TGM4: variants seen among roughly 807,000 people sequenced by gnomAD.
TGM4 encodes the protein protein-glutamine gamma-glutamyltransferase 4.
Under a neutral mutation model 76.3 loss-of-function variants are expected in TGM4, and 61 were observed. That is an observed-to-expected ratio of 0.80 (90% CI 0.65 to 0.99). The LOEUF is 0.99. Ranked by LOEUF, TGM4 falls within the 50% of genes least tolerant of loss-of-function variation. The probability of loss-of-function intolerance (pLI) is 0.00; values close to 1 mark genes in which losing one functional copy is unlikely to be tolerated. For missense variants in TGM4, 794 were observed against 843.2 expected (o/e 0.94, Z 0.72); for synonymous variants, 337 against 329.8 (o/e 1.02, Z -0.24).
chr3:44,902,155 A>T (rs1293615811), intron 8 of TGM4, among the ~76,000 whole-genome samples: 2 of 152,062 alleles, frequency 1.3e-5, no homozygotes, highest in Non-Finnish European at 2.9e-5. Flanking sequence ...GGCCCTCCCA[A>T]CCCAGAGATT....
chr3:44,891,437 C>T (rs1270843355), intron 4 of TGM4, among the ~76,000 whole-genome samples: 1 of 130,974 alleles, frequency 7.6e-6, no homozygotes, highest in East Asian at 6.3e-4. Context: ...ACAACCTATA[C>T]CCTTTATCAT....
In TGM4 at chr3:44,911,111, C is replaced by G. The variant is rs1260879150; in HGVS notation, c.1760C>G (p.Pro587Arg). 1 of 1,614,200 alleles carries G rather than the reference C, an allele frequency of 6.2e-7. No homozygotes were observed. Among genetic ancestry groups the G allele is most frequent in the South Asian group, 1.1e-5 (1 of 91,082 alleles). ...ASEVFTSFQY[P>R]EFSIELPNTG... Reference sequence around the variant, plus strand: ...GAAGTATTCACGTCTTTCCAGTACCCTGAGTTCTCTATAGAGGTGAGCTTC... The same window carrying G: ...GAAGTATTCACGTCTTTCCAGTACCGTGAGTTCTCTATAGAGGTGAGCTTC... Residue 587 changes from proline to arginine, a missense_variant, in exon 12 of 14, where the codon CCT (proline) becomes CGT (arginine). Pro to Arg is a moderately radical substitution (Grantham distance 103). Coordinates refer to ENST00000296125, the MANE Select transcript of TGM4 (RefSeq NM_003241.4).
intron 10 of TGM4, 131 bp downstream of exon 10, chr3:44,907,331 AAAT>A (rs1303756695): frequency 7.2e-6 from 6 of 833,254 alleles, no homozygotes; most frequent in South Asian, 1.9e-5. Flanking sequence ...AAAAAAAAAA[AAAT>A]TAGCTGGGTG....
In TGM4 at chr3:44,901,680, G is replaced by T. The variant is rs781213630; in HGVS notation, c.814G>T (p.Ala272Ser). ...GTGCTTTGGCCAGTGCTGGGTGTTT[G>T]CTGGGATCCTGACTACAGGTAAGTG... is the stretch of plus-strand genomic sequence containing the variant. ...AVCFGQCWVF[A>S]GILTTVLRAL... Residue 272 changes from alanine (A) to serine (S), a missense_variant, in exon 7 of 14, where the codon GCT (alanine) becomes TCT (serine). Physicochemically the swap from Ala to Ser is moderately conservative, Grantham distance 99 (BLOSUM62 1). Transcript: ENST00000296125. 1 of 1,614,092 alleles carries T rather than the reference G, an allele frequency of 6.2e-7. No individual in the cohort carries two copies. Among genetic ancestry groups the T allele is most frequent in the Admixed American group, 1.7e-5 (1 of 60,024 alleles).
At chr3:44,891,080 G>A (rs1451689914) in intron 4 of TGM4, among the ~76,000 whole-genome samples, 1 of 152,164 alleles carries the variant, frequency 6.6e-6, no homozygotes, top group African/African-American at 2.4e-5. Context: ...ATTGTGGTTG[G>A]TTCCTCCCTT....
chr3:44,895,321 G>C (rs1364646493), intron 5 of TGM4, among the ~76,000 whole-genome samples: 1 of 151,608 alleles, frequency 6.6e-6, no homozygotes, highest in Non-Finnish European at 1.5e-5. Flanking sequence ...AAATCAAGCG[G>C]TGATTTTAAG....
At position 44,913,969 on chromosome 3, in the gene TGM4, T is replaced by C. The variant is rs1341833949; in HGVS notation, c.*244T>C. On this transcript the variant is annotated 3_prime_UTR_variant, in exon 14 of 14. Coordinates refer to ENST00000296125, the MANE Select transcript of TGM4 (RefSeq NM_003241.4). ...AGGCCACAGAATCCCATCCCTTTCCTGAGTCATGGCCTCAAAAATCAGGGC... is the reference window on the plus strand; with the variant it reads ...AGGCCACAGAATCCCATCCCTTTCCCGAGTCATGGCCTCAAAAATCAGGGC... The C allele has an allele frequency of 7.0e-6, 3 of 426,374 alleles. No homozygotes were observed. Among genetic ancestry groups the C allele is most frequent in the Non-Finnish European group, 1.2e-5 (3 of 242,542 alleles). The allele number at this position is 426,374 out of a possible 1,614,324, so 26.4% of individuals were successfully genotyped here.
intron 6 of TGM4, among the ~76,000 whole-genome samples, chr3:44,898,531 C>T (rs1699811285): frequency 6.6e-6 from 1 of 152,170 alleles, no homozygotes; most frequent in Admixed American, 6.5e-5. Flanking sequence ...CAGGGATCTC[C>T]CAATGCCAGT....
Position 44,887,806 on chromosome 3 carries a change from A to T in TGM4, c.300+11A>T. ...GAGTCTGGCAAAGAGGTGAGCACCC[A>T]CTGGGCTGGCGGGTGGGCTGGCTGG... On this transcript the variant is annotated intron_variant, in intron 3 of 13. Transcript: ENST00000296125. 2 of 1,613,372 alleles carry T rather than the reference A, an allele frequency of 1.2e-6. No individual in the cohort carries two copies. Among genetic ancestry groups the T allele is most frequent in the Middle Eastern group, 1.6e-4 (1 of 6,062 alleles).
At position 44,914,058 on chromosome 3, in the gene TGM4, A is replaced by C. The variant is rs1700048846; in HGVS notation, c.*333A>C. 1.3e-5 allele frequency: 3 copies of C among 234,044 alleles called. No individual in the cohort carries two copies. Among genetic ancestry groups the C allele is most frequent in the Non-Finnish European group, 2.5e-5 (3 of 119,700 alleles). 14.5% of individuals were successfully genotyped at this position (234,044 alleles called of 1,614,324 possible). The stretch of plus-strand genomic sequence containing the variant: ...ACAGAGTCTCTCCCTGGAGCAGCAG[A>C]CTATGGGCAGCCCAGTGCTGCCACC... On this transcript the variant is annotated 3_prime_UTR_variant, in exon 14 of 14. Transcript: ENST00000296125.
At chr3:44,885,584 T>C in intron 2 of TGM4, 86 bp downstream of exon 2, 2 of 1,463,178 alleles carry the variant, frequency 1.4e-6, no homozygotes, top group South Asian at 2.7e-5. Flanking sequence ...CTGGTCAGTC[T>C]GAGCCAGGAG....
Position 44,907,186 on chromosome 3 carries a change from A to G in TGM4, c.1313A>G (p.Tyr438Cys). 3 of 1,613,976 alleles carry G rather than the reference A, an allele frequency of 1.9e-6. No individual in the cohort carries two copies. The highest frequency in any genetic ancestry group is 2.5e-6 in the Non-Finnish European group (3 of 1,180,010). The change falls in exon 10 of 14, where the codon TAC (tyrosine) becomes TGC (cysteine). Residue 438 changes from tyrosine to cysteine, a missense_variant. Transcript: ENST00000296125. The part of the protein sequence containing the change: ...QDRRRDITYE[Y>C]KYPEGSSEER... The stretch of plus-strand genomic sequence containing the variant: ...AGGCGGAGAGATATCACCTATGAGT[A>G]CAAGTATCCAGAAGGTGCTAGCATC...
chr3:44,894,988 T>C (rs918644104), intron 5 of TGM4, among the ~76,000 whole-genome samples: 1 of 152,056 alleles, frequency 6.6e-6, no homozygotes, highest in Non-Finnish European at 1.5e-5. Flanking sequence ...CCTAGGGAGT[T>C]TCCCCTCTTA....
intron 9 of TGM4, among the ~76,000 whole-genome samples, chr3:44,905,430 T>C (rs1024954437): frequency 6.6e-6 from 1 of 152,204 alleles, no homozygotes; most frequent in African/African-American, 2.4e-5. Context: ...GCCTCACTCC[T>C]GCAGCCCCTG....
intron 1 of TGM4, among the ~76,000 whole-genome samples, chr3:44,880,450 G>A (rs902135392): frequency 6.6e-6 from 1 of 152,192 alleles, no homozygotes; most frequent in Non-Finnish European, 1.5e-5. Context: ...CATTCTGCAG[G>A]GGCTGTGCTC....
At chr3:44,904,545 G>A (rs1459300451) in intron 9 of TGM4, among the ~76,000 whole-genome samples, 3 of 152,152 alleles carry the variant, frequency 2.0e-5, no homozygotes, top group Non-Finnish European at 2.9e-5. Context: ...GCAGAGGCAT[G>A]GGGTTGGTCT....
At chr3:44,895,639 AAAAAT>A (rs1201371879) in intron 5 of TGM4, among the ~76,000 whole-genome samples, 3 of 152,200 alleles carry the variant, frequency 2.0e-5, no homozygotes, top group Non-Finnish European at 2.9e-5. Flanking sequence ...CAAAAAAATA[AAAAAT>A]AAAATAAAAA....
rs369264323 is a variant in TGM4 at position 44,896,790 on chromosome 3, C to G, written c.631C>G (p.Leu211Val). Residue 211 changes from leucine to valine, a missense_variant, in exon 6 of 14, where the codon CTG becomes GTG. Transcript: ENST00000296125. The stretch of plus-strand genomic sequence containing the variant: ...GCCCACAGATAGGAGGGACCCCGTG[C>G]TGGTGTGCAGGGCCATGTGTGCTAT... ...LKPTDRRDPVLVCRAMCAMMS... is the reference protein window; with the variant it reads ...LKPTDRRDPVVVCRAMCAMMS... 1 of 1,614,058 alleles carries G rather than the reference C, an allele frequency of 6.2e-7. No homozygotes were observed. Among genetic ancestry groups the G allele is most frequent in the African/African-American group, 1.3e-5 (1 of 74,934 alleles).
chr3:44,901,382 C>A (rs1699850160), intron 6 of TGM4, 142 bp from the exon 7 acceptor site: 2 of 998,646 alleles, frequency 2.0e-6, no homozygotes, highest in East Asian at 2.6e-5. Flanking sequence ...GGGCACCCCA[C>A]CTGTTCTGGA....
Sources: gnomAD v4.1 joint callset for allele counts (sites outside exome capture counted in the v4.1 genomes callset) on GRCh38, gnomAD v4.1.1 for gene constraint, MANE v1.5 for transcripts, NCBI Gene and HGNC (gene_info 2026-07-23, HGNC 2026-07-21) for gene names.